COL5A2: variants seen among roughly 807,000 people sequenced by gnomAD.
The protein encoded by COL5A2 is collagen alpha-2(V) chain.
COL5A2 carries 23 observed loss-of-function variants against 208.2 expected under a neutral mutation model. The observed-to-expected ratio is 0.11, with a 90% CI of 0.08 to 0.16. The LOEUF (loss-of-function observed/expected upper bound fraction) is 0.16, where lower values mean the gene tolerates loss of function less well. Among genes scored for constraint, COL5A2 ranks in the 10% least tolerant of loss-of-function variants. The pLI, the probability that COL5A2 is intolerant of heterozygous loss-of-function variation, is 1.00. For synonymous variants in COL5A2, 625 were observed against 628.5 expected (o/e 0.99, Z 0.08); for missense variants, 1,590 against 1,956.4 (o/e 0.81, Z 3.53).
rs201021184 is a variant in COL5A2, at chr2:189,052,123, G to A, written c.2769+49C>T. 1.5e-4 allele frequency: 213 copies of A among 1,434,954 alleles called. 1 individual carries two copies. The African/African-American group carries it at 2.9e-3, about 19-fold the overall frequency. The allele number at this position is 1,434,954 out of a possible 1,614,324, so 88.9% of individuals were successfully genotyped here. ...AAATTTAACTCAAATGTATACGTGT[G>A]TGTGTAATTATTTCATTATCAGTGA... On this transcript the variant is annotated intron_variant, in intron 41 of 53. Transcript: ENST00000374866.
chr2:189,421,330 C>T, the COL5A2 span, among the ~76,000 whole-genome samples: 1 of 152,082 alleles, frequency 6.6e-6, no homozygotes. Flanking sequence ...CCACAAAAAA[C>T]ATTAATTTGA....
chr2:189,199,390 G>C (rs1033826687), intron 1 of COL5A2, among the ~76,000 whole-genome samples: 3 of 152,122 alleles, frequency 2.0e-5, no homozygotes, highest in African/African-American at 7.2e-5. Context: ...TTTTAGTCAA[G>C]AGCTTTAATT....
chr2:189,054,873 A>G (rs1378563948), intron 35 of COL5A2, among the ~76,000 whole-genome samples: 1 of 149,770 alleles, frequency 6.7e-6, no homozygotes, highest in Non-Finnish European at 1.5e-5. Flanking sequence ...ACTATGCCTG[A>G]CTTAGTTTTC....
intron 38 of COL5A2, 101 bp downstream of exon 38, chr2:189,053,323 A>G: frequency 9.0e-7 from 1 of 1,115,236 alleles, no homozygotes; most frequent in African/African-American, 1.6e-5. Context: ...AAAACTGTAA[A>G]TTTTCCAGAA....
intron 17 of COL5A2, among the ~76,000 whole-genome samples, chr2:189,074,585 C>T (rs1302881886): frequency 6.6e-6 from 1 of 152,182 alleles, no homozygotes; most frequent in Non-Finnish European, 1.5e-5. Flanking sequence ...CTGAGCTCCA[C>T]TCTTGCATAT....
intron 1 of COL5A2, among the ~76,000 whole-genome samples, chr2:189,207,171 A>C (rs916877367): frequency 2.6e-5 from 4 of 152,224 alleles, no homozygotes; most frequent in Admixed American, 2.6e-4. Context: ...AATTGGAATT[A>C]AATTAGGATA....
chr2:189,433,684 T>G, the COL5A2 span, among the ~76,000 whole-genome samples: 3 of 152,140 alleles, frequency 2.0e-5, no homozygotes, highest in Non-Finnish European at 2.9e-5. Flanking sequence ...ATTGAGGCAA[T>G]AATTAATAGC....
intron 1 of COL5A2, among the ~76,000 whole-genome samples, chr2:189,201,549 T>C (rs1293546075): frequency 6.6e-6 from 1 of 151,920 alleles, no homozygotes; most frequent in African/African-American, 2.4e-5. Context: ...AAAAGAGATA[T>C]TCAAAAAGAT....
chr2:189,380,101 G>C, the COL5A2 span, among the ~76,000 whole-genome samples: 60 of 151,976 alleles, frequency 3.9e-4, 2 homozygotes, highest in South Asian at 0.012. Context: ...CATTATTGTA[G>C]TGAATTTTGC....
intron 12 of COL5A2, among the ~76,000 whole-genome samples, chr2:189,083,212 T>C (rs1363008841): frequency 6.6e-6 from 1 of 152,288 alleles, no homozygotes; most frequent in African/African-American, 2.4e-5. Context: ...TGCTTGCTTA[T>C]CATACTCTAA....
At chr2:189,252,202 G>A in the COL5A2 span, among the ~76,000 whole-genome samples, 4 of 152,284 alleles carry the variant, frequency 2.6e-5, no homozygotes, top group South Asian at 8.3e-4. Flanking sequence ...AAGACAGTGT[G>A]GTGATTCCTC....
chr2:189,087,557 G>A (rs1018785338), intron 8 of COL5A2, among the ~76,000 whole-genome samples: 1 of 151,438 alleles, frequency 6.6e-6, no homozygotes, highest in Non-Finnish European at 1.5e-5. Flanking sequence ...TCCACCTCCC[G>A]GGTTCACGCC....
At position 189,039,469 on chromosome 2, in the gene COL5A2, C is replaced by T. The variant is rs140851866; in HGVS notation, c.3728G>A (p.Ser1243Asn). 283 of 1,613,970 alleles carry T rather than the reference C, an allele frequency of 1.8e-4. No homozygotes were observed. Among genetic ancestry groups the T allele is most frequent in the Middle Eastern group, 9.9e-4 (6 of 6,074 alleles). The part of the protein sequence containing the change: ...LGDIMGHYDE[S>N]MPDPLPEFTE... ...AAACTCAGGAAGTGGATCTGGCATG[C>T]TTTCATCATAGTGCCCCATGATATC... The change falls in exon 51 of 54, where the codon AGC becomes AAC. Residue 1243 changes from serine (S) to asparagine (N), a missense_variant. Transcript: ENST00000374866.
the COL5A2 span, among the ~76,000 whole-genome samples, chr2:189,348,283 G>T: frequency 6.6e-6 from 1 of 152,146 alleles, no homozygotes; most frequent in Non-Finnish European, 1.5e-5. Context: ...AAAGTGGTCA[G>T]TGTGGCTCAT....
intron 22 of COL5A2, 44 bp from the exon 23 acceptor site, chr2:189,066,541 C>A (rs368589417): frequency 1.9e-6 from 3 of 1,574,286 alleles, no homozygotes; most frequent in Admixed American, 1.7e-5. Context: ...CCCATCCAAC[C>A]AGTGAATTAT....
chr2:189,076,768 G>A (rs999932403), intron 16 of COL5A2, among the ~76,000 whole-genome samples: 1 of 152,096 alleles, frequency 6.6e-6, no homozygotes, highest in Non-Finnish European at 1.5e-5. Context: ...TTTGGCAATA[G>A]GATATGTGGG....
the COL5A2 span, among the ~76,000 whole-genome samples, chr2:189,422,689 C>A: frequency 6.6e-6 from 1 of 152,028 alleles, no homozygotes; most frequent in Admixed American, 6.6e-5. Context: ...TTTCTGACCA[C>A]CTGGTATAAA....
the COL5A2 span, among the ~76,000 whole-genome samples, chr2:189,393,821 C>G: frequency 6.6e-6 from 1 of 152,266 alleles, no homozygotes; most frequent in Non-Finnish European, 1.5e-5. Context: ...TCAATATTTC[C>G]TAGTTACAGT....
chr2:189,049,474 G>A lies in COL5A2; in HGVS notation c.3040-20C>T. 1 of 1,582,342 alleles carries A rather than the reference G, an allele frequency of 6.3e-7. No individual in the cohort carries two copies. Among genetic ancestry groups the A allele is most frequent in the Non-Finnish European group, 8.7e-7 (1 of 1,153,528 alleles). On this transcript the variant is annotated intron_variant, in intron 43 of 53. Transcript: ENST00000374866. ...TGTTCCCTGAAATAGAAGTATAAAT[G>A]TCAAACACTTGTGAAGAAATTGAAG... is the stretch of plus-strand genomic sequence containing the variant.
Sources: gnomAD v4.1 joint callset for allele counts (sites outside exome capture counted in the v4.1 genomes callset) on GRCh38, gnomAD v4.1.1 for gene constraint, MANE v1.5 for transcripts, NCBI Gene and HGNC (gene_info 2026-07-23, HGNC 2026-07-21) for gene names.